Variants in HERC2 observed in about 807,000 individuals in gnomAD.
HERC2 encodes the protein E3 ubiquitin-protein ligase HERC2.
A neutral mutation model predicts 537.7 loss-of-function variants in HERC2; 102 were observed. The observed-to-expected ratio is 0.19, with a 90% confidence interval of 0.16 to 0.22. The LOEUF (loss-of-function observed/expected upper bound fraction) is 0.22. HERC2 is among the 10% of genes least tolerant of loss of function. The pLI, the probability that HERC2 is intolerant of heterozygous loss-of-function variation, is 1.00. For synonymous variants in HERC2, 2,224 were observed against 2,466.2 expected, an observed-to-expected ratio of 0.90 and a Z score of 2.91; for missense variants, 4,236 against 6,198.2, an observed-to-expected ratio of 0.68 and a Z score of 10.63.
intron 30 of HERC2, 46 bp from the exon 31 acceptor site, chr15:28,230,546 A>G (rs769417594): frequency 1.0e-5 from 11 of 1,057,484 alleles, no homozygotes; most frequent in Non-Finnish European, 1.5e-5. Flanking sequence ...ACACTTAAAT[A>G]TTAATTTTAA....
chr15:28,172,354 C>G (rs558460581), intron 65 of HERC2, among the ~76,000 whole-genome samples: 1 of 152,292 alleles, frequency 6.6e-6, no homozygotes, highest in African/African-American at 2.4e-5. Flanking sequence ...CTAAAGAACT[C>G]TTGCAACCTG....
At chr15:28,160,126 G>T (rs1893429297) in intron 69 of HERC2, among the ~76,000 whole-genome samples, 1 of 152,212 alleles carries the variant, frequency 6.6e-6, no homozygotes, top group Admixed American at 6.5e-5. Context: ...GGCCGTGTGA[G>T]GTGTCAGTCT....
chr15:28,186,616 T>C lies in HERC2; in HGVS notation c.8786A>G (p.Asp2929Gly), dbSNP rs765349543. 1 of 1,614,150 alleles carries C rather than the reference T, an allele frequency of 6.2e-7. No individual in the cohort carries two copies. Among genetic ancestry groups the C allele is most frequent in the East Asian group, 2.2e-5 (1 of 44,878 alleles). ...DLAAVPFLAS[D>G]NEEEEDEKGN... ...TTTCTCATCCTCCTCCTCTTCATTA[T>C]CCGAAGCTAAGAAAGGAACTGCAGC... is the stretch of plus-strand genomic sequence containing the variant. Residue 2929 changes from aspartate (D) to glycine (G), a missense_variant, in exon 56 of 93, where the codon GAT becomes GGT. Coordinates refer to ENST00000261609, the MANE Select transcript of HERC2 (RefSeq NM_004667.6).
chr15:28,265,748 C>T lies in HERC2; in HGVS notation c.1757-17G>A, dbSNP rs759872038. ...CACTGGAGCCTTCAAACAGATAGGA[C>T]GGCGGTTACTAAGTCCTGTAAGAGG... On this transcript the variant is annotated splice_polypyrimidine_tract_variant and intron_variant, in intron 13 of 92. Transcript: ENST00000261609. The surrounding 1 kb of genome is among the most constrained non-coding windows in gnomAD (Gnocchi z 4.0). The T allele has an allele frequency of 1.8e-5, 29 of 1,613,894 alleles. No individual in the cohort carries two copies. The highest frequency in any genetic ancestry group is 4.0e-5 in the African/African-American group (3 of 74,926).
intron 83 of HERC2, among the ~76,000 whole-genome samples, chr15:28,125,631 C>T (rs927487199): frequency 6.6e-6 from 1 of 152,162 alleles, no homozygotes; most frequent in Non-Finnish European, 1.5e-5. Context: ...TTCCAAATTG[C>T]TCTTGCATGC....
intron 85 of HERC2, 28 bp downstream of exon 85, chr15:28,124,009 C>G: frequency 1.3e-6 from 2 of 1,544,124 alleles, no homozygotes; most frequent in Admixed American, 1.9e-5. Context: ...ACCAGTTTCC[C>G]CTAGAGCAAA....
intron 16 of HERC2, among the ~76,000 whole-genome samples, chr15:28,260,351 T>C (rs1380640733): frequency 6.6e-6 from 1 of 152,128 alleles, no homozygotes; most frequent in Non-Finnish European, 1.5e-5. Flanking sequence ...AAACGGGGAA[T>C]TAAAGACACT....
intron 2 of HERC2, among the ~76,000 whole-genome samples, chr15:28,303,137 A>C (rs1235592436): frequency 6.6e-6 from 1 of 152,084 alleles, no homozygotes; most frequent in Non-Finnish European, 1.5e-5. Context: ...CATAGTCTGA[A>C]GTCTTAGGTT....
At chr15:28,249,891 G>A (rs549553331) in intron 20 of HERC2, among the ~76,000 whole-genome samples, 38 of 149,974 alleles carry the variant, frequency 2.5e-4, no homozygotes, top group Middle Eastern at 3.5e-3. Flanking sequence ...TCCCGACCTC[G>A]TGATTCACCC....
chr15:28,294,601 G>A (rs889775179), intron 3 of HERC2, among the ~76,000 whole-genome samples: 7 of 150,884 alleles, frequency 4.6e-5, no homozygotes, highest in Middle Eastern at 3.4e-3. Flanking sequence ...TCCTTATCGC[G>A]GAAACCCGAC....
At chr15:28,307,584 T>C (rs2076824879) in intron 2 of HERC2, among the ~76,000 whole-genome samples, 5 of 152,256 alleles carry the variant, frequency 3.3e-5, no homozygotes, top group Admixed American at 3.3e-4. Context: ...AATTTCACTC[T>C]TAATTTCTTC....
chr15:28,128,889 C>T (rs1031609361), intron 83 of HERC2, among the ~76,000 whole-genome samples: 3 of 152,174 alleles, frequency 2.0e-5, no homozygotes, highest in Non-Finnish European at 2.9e-5. Context: ...GGGGCCACCC[C>T]ATTCCCCAGC....
At chr15:28,218,744 C>G in intron 37 of HERC2, 73 bp from the exon 38 acceptor site, 5 of 1,255,350 alleles carry the variant, frequency 4.0e-6, no homozygotes, top group Non-Finnish European at 5.8e-6. Context: ...TATAATTCAA[C>G]AGCTTTAATA....
At chr15:28,212,672 C>G in intron 42 of HERC2, 89 bp from the exon 43 acceptor site, 1 of 1,374,398 alleles carries the variant, frequency 7.3e-7, no homozygotes, top group African/African-American at 1.4e-5. Context: ...GGGCTTAATC[C>G]TGAAATGCCA....
chr15:28,145,135 G>T (rs377689868), intron 71 of HERC2, among the ~76,000 whole-genome samples: 1 of 152,232 alleles, frequency 6.6e-6, no homozygotes, highest in East Asian at 1.9e-4. Context: ...CAGGTGTCCA[G>T]CACACACCAG....
intron 3 of HERC2, among the ~76,000 whole-genome samples, chr15:28,297,130 G>C (rs890715366): frequency 2.6e-5 from 4 of 152,248 alleles, no homozygotes; most frequent in African/African-American, 9.6e-5. Context: ...AAGTTTCCAA[G>C]AATTACTAAG....
At chr15:28,155,360 G>C (rs1012308011) in intron 69 of HERC2, among the ~76,000 whole-genome samples, 2 of 152,138 alleles carry the variant, frequency 1.3e-5, no homozygotes, top group African/African-American at 2.4e-5. Context: ...CGCAGTGGTT[G>C]AACTAGTTTA....
In HERC2 at chr15:28,218,548, G is replaced by T. The variant is rs1900176155; in HGVS notation, c.5969C>A (p.Thr1990Asn). 1.3e-6 allele frequency: 2 copies of T among 1,597,850 alleles called. No individual in the cohort carries two copies. The highest frequency in any genetic ancestry group is 8.5e-7 in the Non-Finnish European group (1 of 1,179,762). The change falls in exon 38 of 93, where the codon ACC becomes AAC. Residue 1990 changes from threonine (T) to asparagine (N), a missense_variant. Thr to Asn is a moderately conservative substitution (Grantham distance 65). This residue lies in a region of HERC2 where 365 missense variants were observed against 468.8 expected (regional missense o/e 0.78). Transcript: ENST00000261609. Reference sequence around the variant, plus strand: ...TCGCAGCAGTCCGCATAAAGTCTTGGTGGCTTCGCTCTGCATGATCTCAGC... The same window carrying T: ...TCGCAGCAGTCCGCATAAAGTCTTGTTGGCTTCGCTCTGCATGATCTCAGC... The part of the protein sequence containing the change: ...VHAEIMQSEA[T>N]KTLCGLLRML...
chr15:28,274,259 G>A, intron 7 of HERC2, 32 bp downstream of exon 7: 1 of 1,611,136 alleles, frequency 6.2e-7, no homozygotes, highest in Non-Finnish European at 8.5e-7. Context: ...CCAGCTGTCT[G>A]CGTGCAGAAG....
Sources: allele counts gnomAD v4.1 joint callset (sites outside exome capture counted in the v4.1 genomes callset), GRCh38; gene constraint gnomAD v4.1.1; regional missense constraint gnomAD v4.1.1; non-coding constraint Gnocchi (gnomAD v3.1); transcripts MANE v1.5; gene names NCBI Gene and HGNC (gene_info 2026-07-23, HGNC 2026-07-21).